SGCD: variants seen among roughly 807,000 people sequenced by gnomAD.
SGCD encodes sarcoglycan delta, also known as delta-sarcoglycan.
In SGCD, 18 loss-of-function variants were observed where a neutral mutation model predicts 36.6. That is an observed-to-expected ratio of 0.49 (90% CI 0.34 to 0.73). The LOEUF (loss-of-function observed/expected upper bound fraction) is 0.73, where lower values mean the gene tolerates loss of function less well. Among genes scored for constraint, SGCD ranks in the 30% least tolerant of loss-of-function variants. The probability of loss-of-function intolerance (pLI) is 0.01; values close to 1 mark genes in which losing one functional copy is unlikely to be tolerated. For missense variants in SGCD, 387 were observed against 346.7 expected, an observed-to-expected ratio of 1.12 and a Z score of -0.92; for synonymous variants, 133 against 130.6, an observed-to-expected ratio of 1.02 and a Z score of -0.12.
intron 3 of SGCD, among the ~76,000 whole-genome samples, chr5:156,257,494 A>T (rs1003624502): frequency 6.6e-6 from 1 of 151,924 alleles, no homozygotes; most frequent in Admixed American, 6.6e-5. Context: ...AATAAATAAA[A>T]ATGAGACTTT....
At chr5:156,054,142 G>A (rs1759996655) in intron 1 of SGCD, among the ~76,000 whole-genome samples, 1 of 145,924 alleles carries the variant, frequency 6.9e-6, no homozygotes, top group East Asian at 1.9e-4. Context: ...TAAGTCTAGA[G>A]CTTATTTAGT....
rs143390246 is a variant in SGCD at position 156,201,715 on chromosome 5, T to G, written c.-44+77696T>G. ...GGAGGGAAGAGGACAAGCCCATAAT[T>G]CCCTAGTTTTTTTTTTTTTAATCTA... On this transcript the variant is annotated intron_variant, in intron 3 of 9. Transcript: ENST00000517913. Among the ~76,000 whole-genome samples, 604 of 140,236 alleles carry G rather than the reference T, an allele frequency of 4.3e-3. 5 individuals are homozygous for G. Among genetic ancestry groups the G allele is most frequent in the Middle Eastern group, 7.5e-3 (2 of 268 alleles). 92.0% of individuals were successfully genotyped at this position (140,236 alleles called of 152,430 possible).
At chr5:156,526,723 A>G (rs537755073) in intron 4 of SGCD, among the ~76,000 whole-genome samples, 2 of 152,302 alleles carry the variant, frequency 1.3e-5, no homozygotes, top group South Asian at 4.1e-4. Flanking sequence ...GTGGACGATA[A>G]TGTGAACCAG....
rs899213553 is a variant in SGCD, at chr5:156,539,595, A to G, written c.294+30893A>G. ...TGTAGCAAAAGACATTATTTCATTC[A>G]TTTTTATGGCTGAGTAGCATTCCAT... On this transcript the variant is annotated intron_variant, in intron 4 of 8. Transcript: ENST00000337851. Among the ~76,000 whole-genome samples, 8 of 152,022 alleles carry G rather than the reference A, an allele frequency of 5.3e-5. No individual in the cohort carries two copies. The East Asian group carries it at 5.8e-4, about 11-fold the overall frequency.
At chr5:156,202,014 G>A (rs914006053) in intron 3 of SGCD, among the ~76,000 whole-genome samples, 2 of 152,050 alleles carry the variant, frequency 1.3e-5, no homozygotes, top group South Asian at 2.1e-4. Flanking sequence ...AGAGTTTCAC[G>A]TTGTTGTTGT....
intron 3 of SGCD, among the ~76,000 whole-genome samples, chr5:156,163,201 A>G (rs1490625735): frequency 3.3e-5 from 5 of 151,724 alleles, no homozygotes; most frequent in Admixed American, 2.0e-4. Flanking sequence ...GAGGGATTAT[A>G]AGAAAATACT....
chr5:155,738,399 A>G, the SGCD span, among the ~76,000 whole-genome samples: 1 of 152,214 alleles, frequency 6.6e-6, no homozygotes, highest in Non-Finnish European at 1.5e-5. Flanking sequence ...ATAGGTGGAC[A>G]AAAAGCATGT....
the SGCD span, among the ~76,000 whole-genome samples, chr5:155,783,402 A>G: frequency 6.6e-6 from 1 of 152,162 alleles, no homozygotes. Flanking sequence ...GATTAAGTGG[A>G]ACTTGCATCA....
At chr5:156,541,625 T>G (rs1051168856) in intron 4 of SGCD, among the ~76,000 whole-genome samples, 3 of 152,100 alleles carry the variant, frequency 2.0e-5, no homozygotes, top group Non-Finnish European at 2.9e-5. Flanking sequence ...CATGGATGGA[T>G]GGTGATGAAG....
At chr5:156,458,459 T>C (rs11954391) in intron 3 of SGCD, 771,292 of 1,608,554 alleles carry the variant, frequency 0.48, 188,079 homozygotes, top group Middle Eastern at 0.63. Flanking sequence ...CCCATCCCCA[T>C]GGCAGCTCAT....
chr5:156,185,041 A>T (rs371856303), intron 3 of SGCD, among the ~76,000 whole-genome samples: 18 of 152,198 alleles, frequency 1.2e-4, no homozygotes, highest in South Asian at 8.3e-4. Context: ...TTCCTTATGG[A>T]TGCTCACTTT....
chr5:155,995,184 A>G (rs1758516632), intron 1 of SGCD, among the ~76,000 whole-genome samples: 1 of 152,152 alleles, frequency 6.6e-6, no homozygotes, highest in African/African-American at 2.4e-5. Flanking sequence ...TTTCTTCATA[A>G]AAAAGGACTT....
intron 1 of SGCD, among the ~76,000 whole-genome samples, chr5:156,056,058 A>G (rs1760048611): frequency 6.8e-6 from 1 of 146,584 alleles, no homozygotes; most frequent in East Asian, 1.9e-4. Context: ...AAATAGTGAC[A>G]AAGTTGAAGT....
At chr5:156,098,566 G>C (rs1052976253) in intron 1 of SGCD, among the ~76,000 whole-genome samples, 4 of 150,534 alleles carry the variant, frequency 2.7e-5, no homozygotes, top group African/African-American at 9.8e-5. Flanking sequence ...TTTTATTTTG[G>C]AATTAAATGA....
the SGCD span, among the ~76,000 whole-genome samples, chr5:155,780,522 CA>C: frequency 6.6e-6 from 1 of 152,112 alleles, no homozygotes; most frequent in Non-Finnish European, 1.5e-5. Context: ...CCTGAATTTC[CA>C]TCTGGTGCCT....
chr5:156,217,936 G>A (rs1405040562), intron 3 of SGCD, among the ~76,000 whole-genome samples: 1 of 151,978 alleles, frequency 6.6e-6, no homozygotes, highest in Admixed American at 6.6e-5. Flanking sequence ...TTAATGAAGG[G>A]AAGAATCTCT....
intron 1 of SGCD, among the ~76,000 whole-genome samples, chr5:155,906,713 G>C (rs190207700): frequency 2.0e-5 from 3 of 152,232 alleles, no homozygotes; most frequent in African/African-American, 4.8e-5. Context: ...AAAGTTACAA[G>C]CTAGCAGATG....
At chr5:156,676,717 G>A (rs1753529256) in intron 7 of SGCD, among the ~76,000 whole-genome samples, 1 of 152,170 alleles carries the variant, frequency 6.6e-6, no homozygotes, top group African/African-American at 2.4e-5. Flanking sequence ...CCATTCAGAA[G>A]GCTTTGAGAT....
the SGCD span, among the ~76,000 whole-genome samples, chr5:155,860,722 G>A: frequency 6.6e-6 from 1 of 152,012 alleles, no homozygotes; most frequent in African/African-American, 2.4e-5. Flanking sequence ...CCTGTGTTTG[G>A]GTATGCTTAC....
Sources: gnomAD v4.1 joint callset for allele counts (sites outside exome capture counted in the v4.1 genomes callset) on GRCh38, gnomAD v4.1.1 for gene constraint, MANE v1.5 for transcripts, NCBI Gene and HGNC (gene_info 2026-07-23, HGNC 2026-07-21) for gene names.